Variants in GAS7 observed in about 807,000 individuals in gnomAD.
The protein encoded by GAS7 is growth arrest-specific protein 7.
A neutral mutation model predicts 71.1 loss-of-function variants in GAS7; 28 were observed. That is an observed-to-expected ratio of 0.39 (90% CI 0.29 to 0.54). The LOEUF is 0.54. Among genes scored for constraint, GAS7 ranks in the 20% least tolerant of loss-of-function variants. GAS7 has a pLI of 0.62. For synonymous variants in GAS7, 258 were observed against 245.8 expected (o/e 1.05, Z -0.46); for missense variants, 436 against 627.8 (o/e 0.69, Z 3.27).
At chr17:10,196,785 G>A (rs1277690844) in intron 1 of GAS7, among the ~76,000 whole-genome samples, 1 of 152,180 alleles carries the variant, frequency 6.6e-6, no homozygotes, top group African/African-American at 2.4e-5. Context: ...AGGGCTTCAA[G>A]CTAGAAACAA....
chr17:10,158,214 C>T (rs574326271), intron 1 of GAS7, among the ~76,000 whole-genome samples: 7 of 151,896 alleles, frequency 4.6e-5, no homozygotes, highest in Admixed American at 6.6e-5. Flanking sequence ...GGGGTTTCAC[C>T]GTGTTAGCCA....
intron 2 of GAS7, among the ~76,000 whole-genome samples, chr17:9,990,008 G>A (rs936993611): frequency 1.8e-4 from 27 of 151,998 alleles, no homozygotes; most frequent in African/African-American, 4.6e-4. Context: ...GGTGGCTCAC[G>A]CCTGTAATCC....
Position 10,064,596 on chromosome 17 carries a change from A to G in GAS7, c.184-44699T>C, listed in dbSNP as rs545431869. 2.0e-5 allele frequency among the ~76,000 whole-genome samples: 3 copies of G among 152,336 alleles called. No individual in the cohort carries two copies. The East Asian group carries it at 5.8e-4, about 29-fold the overall frequency. On this transcript the variant is annotated intron_variant, in intron 1 of 13. Coordinates refer to ENST00000432992, the MANE Select transcript of GAS7 (RefSeq NM_201433.2). ...GAATTTGGTTTTGGAATTACTGGGG[A>G]AAGATGTATTACTATGACAAGATGC...
chr17:10,119,796 G>A (rs1295275858), intron 1 of GAS7, among the ~76,000 whole-genome samples: 2 of 152,194 alleles, frequency 1.3e-5, no homozygotes, highest in South Asian at 2.1e-4. Flanking sequence ...CAAGTTCAAC[G>A]AGTGGGTCCT....
At chr17:10,101,819 G>A (rs73273862) in intron 1 of GAS7, among the ~76,000 whole-genome samples, 1,577 of 152,296 alleles carry the variant, frequency 0.01, 30 homozygotes, top group African/African-American at 0.036. Flanking sequence ...GCAAAGGGAT[G>A]CCAGGACCCA....
chr17:10,086,190 G>T (rs183977497), intron 1 of GAS7, among the ~76,000 whole-genome samples: 1 of 152,346 alleles, frequency 6.6e-6, no homozygotes, highest in East Asian at 1.9e-4. Flanking sequence ...GAGTGGAAGT[G>T]AATTCTTTCT....
At chr17:10,030,795 T>C (rs1423290394) in intron 1 of GAS7, among the ~76,000 whole-genome samples, 1 of 151,684 alleles carries the variant, frequency 6.6e-6, no homozygotes, top group Non-Finnish European at 1.5e-5. Context: ...GGGGTGACAA[T>C]GTATGTGGCA....
At chr17:10,042,445 T>C (rs973566209) in intron 1 of GAS7, among the ~76,000 whole-genome samples, 11 of 152,234 alleles carry the variant, frequency 7.2e-5, no homozygotes, top group Non-Finnish European at 1.3e-4. Context: ...GGACGCCCCC[T>C]TCCTCCATAC....
chr17:9,965,196 C>T (rs2069656024), intron 4 of GAS7, among the ~76,000 whole-genome samples: 2 of 152,182 alleles, frequency 1.3e-5, no homozygotes, highest in African/African-American at 4.8e-5. Flanking sequence ...GAATATAAGT[C>T]ATTCTACTAT....
chr17:9,916,709 A>C lies in GAS7; in HGVS notation c.*519T>G. On this transcript the variant is annotated 3_prime_UTR_variant, in exon 14 of 14. Transcript: ENST00000432992. ...AGAAAGCCAGATGTGGACTCCCAGA[A>C]TGCAATGGGAAAAAAATAAAGAAGG... 2 of 370,806 alleles carry C rather than the reference A, an allele frequency of 5.4e-6. No individual in the cohort carries two copies. The highest frequency in any genetic ancestry group is 9.6e-6 in the Non-Finnish European group (2 of 208,738). 23.0% of individuals were successfully genotyped at this position (370,806 alleles called of 1,614,324 possible).
intron 1 of GAS7, among the ~76,000 whole-genome samples, chr17:10,134,182 C>T (rs1371574189): frequency 6.6e-6 from 1 of 151,800 alleles, no homozygotes; most frequent in African/African-American, 2.4e-5. Context: ...AGGCACCATC[C>T]ACCACGCCTA....
chr17:9,988,819 A>G (rs893762922), intron 2 of GAS7, among the ~76,000 whole-genome samples: 10 of 151,820 alleles, frequency 6.6e-5, no homozygotes, highest in Admixed American at 6.6e-4. Context: ...AGCGGTCACA[A>G]AACACCTATG....
At chr17:10,150,784 T>C (rs2074159853) in intron 1 of GAS7, among the ~76,000 whole-genome samples, 1 of 151,990 alleles carries the variant, frequency 6.6e-6, no homozygotes, top group African/African-American at 2.4e-5. Flanking sequence ...AGACAGGGTT[T>C]CACCATGTTG....
At chr17:10,036,414 C>T in intron 1 of GAS7, 1 of 1,584,860 alleles carries the variant, frequency 6.3e-7, no homozygotes, top group Non-Finnish European at 8.7e-7. Context: ...CATCTGCAGG[C>T]AAGAAAAATC....
intron 1 of GAS7, among the ~76,000 whole-genome samples, chr17:10,027,759 A>G (rs2072504261): frequency 6.6e-6 from 1 of 152,208 alleles, no homozygotes; most frequent in Admixed American, 6.5e-5. Context: ...TGAGCTAGGC[A>G]TCGTGGCTTG....
At chr17:10,123,673 GC>G (rs2073922275) in intron 1 of GAS7, among the ~76,000 whole-genome samples, 1 of 152,226 alleles carries the variant, frequency 6.6e-6, no homozygotes, top group South Asian at 2.1e-4. Context: ...CCAGCCACCA[GC>G]CCTCACCTAG....
In GAS7 at chr17:10,181,010, G is replaced by A. The variant is rs181751739; in HGVS notation, c.183+17198C>T. On this transcript the variant is annotated intron_variant, in intron 1 of 13. Coordinates refer to ENST00000432992, the MANE Select transcript of GAS7 (RefSeq NM_201433.2). The stretch of plus-strand genomic sequence containing the variant: ...GGCAACAAAATTCCAACCCAGTAGG[G>A]TAAGTGTTAAGGGGTCTAGAATAAG... 8.7e-4 allele frequency among the ~76,000 whole-genome samples: 125 copies of A among 143,440 alleles called. 1 individual carries two copies. The highest frequency in any genetic ancestry group is 3.1e-3 in the African/African-American group (121 of 39,238). 94.1% of individuals were successfully genotyped at this position (143,440 alleles called of 152,430 possible). A position where few individuals can be genotyped will look rare whatever the true frequency, so the allele number is the denominator to read the frequency against.
chr17:10,103,043 T>A lies in GAS7; in HGVS notation c.184-83146A>T, dbSNP rs368681493. Among the ~76,000 whole-genome samples the A allele has an allele frequency of 6.6e-6, 1 of 152,144 alleles. No individual in the cohort carries two copies. The highest frequency in any genetic ancestry group is 1.5e-5 in the Non-Finnish European group (1 of 68,030). On this transcript the variant is annotated intron_variant, in intron 1 of 13. Coordinates refer to ENST00000432992, the MANE Select transcript of GAS7 (RefSeq NM_201433.2). This position sits in a 1 kb window ranked among gnomAD's most constrained non-coding sequence, Gnocchi z 5.5. ...CTGTCGCCTAGAAGCTTGTTAGAAATGCAGAATCTGCATTTTAACAAACCC... is the reference window on the plus strand; with the variant it reads ...CTGTCGCCTAGAAGCTTGTTAGAAAAGCAGAATCTGCATTTTAACAAACCC...
chr17:10,169,635 G>A (rs1480003254), intron 1 of GAS7, among the ~76,000 whole-genome samples: 2 of 152,130 alleles, frequency 1.3e-5, no homozygotes, highest in Admixed American at 6.5e-5. Flanking sequence ...CTCTTTGGTT[G>A]CTCCTTCTCC....
Sources: gnomAD v4.1 joint callset for allele counts (sites outside exome capture counted in the v4.1 genomes callset) on GRCh38, gnomAD v4.1.1 for gene constraint, Gnocchi (gnomAD v3.1) non-coding constraint, MANE v1.5 for transcripts, NCBI Gene and HGNC (gene_info 2026-07-23, HGNC 2026-07-21) for gene names.